Variants in SHF observed in about 807,000 individuals in gnomAD.
SHF encodes Src homology 2 domain containing F.
SHF carries 30 observed loss-of-function variants against 42.4 expected under a neutral mutation model. The ratio of observed to expected loss-of-function variants is 0.71; its 90% CI spans 0.53 to 0.96. The LOEUF (loss-of-function observed/expected upper bound fraction) is 0.96. SHF is among the 40% of genes least tolerant of loss of function. SHF has a pLI of 0.00. For synonymous variants in SHF, 264 were observed against 269.9 expected (o/e 0.98, Z 0.21); for missense variants, 598 against 634.0 (o/e 0.94, Z 0.61).
chr15:45,187,992 G>GGGGGGC (rs993709171), upstream of SHF: 46 of 838,806 alleles, frequency 5.5e-5, no homozygotes, highest in Non-Finnish European at 5.2e-5. Context: ...AGCGGCGGGT[G>GGGGGGC]GGGGGCGGGG....
At chr15:45,180,724 G>C (rs1458745467) in intron 1 of SHF, among the ~76,000 whole-genome samples, 1 of 152,096 alleles carries the variant, frequency 6.6e-6, no homozygotes, top group African/African-American at 2.4e-5. Context: ...AGGCCTGTTA[G>C]GTGTCTCTGT....
chr15:45,179,349 T>C (rs1897999668), intron 1 of SHF, among the ~76,000 whole-genome samples: 1 of 152,220 alleles, frequency 6.6e-6, no homozygotes, highest in African/African-American at 2.4e-5. Flanking sequence ...TTGGCTGTCC[T>C]GGGAGAGAGA....
At chr15:45,190,744 C>G (rs1308695673), upstream of SHF, among the ~76,000 whole-genome samples, 1 of 151,698 alleles carries the variant, frequency 6.6e-6, no homozygotes, top group African/African-American at 2.4e-5. Flanking sequence ...TGGGAACCCG[C>G]ACACCATAAA....
In SHF at chr15:45,187,932, G is replaced by A. The variant is rs1898551261; in HGVS notation, c.20C>T (p.Pro7Leu). The A allele has an allele frequency of 8.5e-7, 1 of 1,181,252 alleles. No homozygotes were observed. Among genetic ancestry groups the A allele is most frequent in the East Asian group, 3.7e-5 (1 of 27,118 alleles). The allele number at this position is 1,181,252 out of a possible 1,614,324, so 73.2% of individuals were successfully genotyped here. Residue 7 changes from proline (P) to leucine (L), a missense_variant, in exon 1 of 7, where the codon CCT (proline) becomes CTT (leucine). Coordinates refer to ENST00000690270, the MANE Select transcript of SHF (RefSeq NM_001394037.1). MLLSGAPPAGSRPGPRT... is the reference protein window; with the variant it reads MLLSGALPAGSRPGPRT... ...CGGCCCCGGGCGGGAGCCAGCCGGA[G>A]GAGCTCCGCTCAGTAACATGGGGCC...
At chr15:45,174,938 C>T (rs2141356757) in intron 3 of SHF, among the ~76,000 whole-genome samples, 1 of 152,262 alleles carries the variant, frequency 6.6e-6, no homozygotes, top group South Asian at 2.1e-4. Flanking sequence ...TAAATATACC[C>T]AGTCCCCAAA....
At chr15:45,176,058 G>A (rs1897792001) in intron 2 of SHF, among the ~76,000 whole-genome samples, 1 of 152,032 alleles carries the variant, frequency 6.6e-6, no homozygotes, top group African/African-American at 2.4e-5. Flanking sequence ...GACCTCAGGT[G>A]ATCTGCCTGC....
In SHF at chr15:45,167,273, C is replaced by G. The variant is rs548722710; in HGVS notation, c.*674G>C. ...CTGATTTATACGCAGAATCTGCGCT[C>G]GCTTCTCCGCTCCCTCCCCCGTCAG... On this transcript the variant is annotated 3_prime_UTR_variant, in exon 7 of 7. Coordinates refer to ENST00000690270, the MANE Select transcript of SHF (RefSeq NM_001394037.1). 6.6e-6 allele frequency: 1 copy of G among 152,406 alleles called. No homozygotes were observed. The highest frequency in any genetic ancestry group is 2.1e-4 in the South Asian group (1 of 4,830). 9.4% of individuals were successfully genotyped at this position (152,406 alleles called of 1,614,324 possible). A position where few individuals can be genotyped will look rare whatever the true frequency, so the allele number is the denominator to read the frequency against.
Position 45,187,810 on chromosome 15 carries a change from CT to C in SHF, c.141del (p.Ala48ProfsTer120). On this transcript the variant is annotated frameshift_variant, in exon 1 of 7. Coordinates refer to ENST00000690270, the MANE Select transcript of SHF (RefSeq NM_001394037.1). LOFTEE classifies it high-confidence loss of function. ...CCCAGGTGCTCCCGGAGCCACTTGG[CT>C]ACTCCGCCGCTGCCGCCCCCTCCTG... ...AGPGGGGSGGVAKWLREHLGF... is the reference protein window; with the variant it reads ...AGPGGGGSGGXAKWLREHLGF... 1.1e-6 allele frequency: 1 copy of C among 890,834 alleles called. No individual in the cohort carries two copies. Among genetic ancestry groups the C allele is most frequent in the Non-Finnish European group, 1.5e-6 (1 of 685,148 alleles). 55.2% of individuals were successfully genotyped at this position (890,834 alleles called of 1,614,324 possible).
intron 4 of SHF, 105 bp from the exon 5 acceptor site, chr15:45,172,423 G>T: frequency 7.9e-7 from 1 of 1,272,220 alleles, no homozygotes; most frequent in Non-Finnish European, 1.1e-6. Context: ...CCCCAGAAAG[G>T]ATCAAAGGAA....
chr15:45,175,914 G>A (rs1257639579), intron 2 of SHF, among the ~76,000 whole-genome samples: 1 of 150,698 alleles, frequency 6.6e-6, no homozygotes, highest in African/African-American at 2.4e-5. Context: ...CGCCTCCCCG[G>A]TTCAAGCGAT....
chr15:45,187,199 G>A (rs1182763656), intron 1 of SHF, among the ~76,000 whole-genome samples: 3 of 152,230 alleles, frequency 2.0e-5, no homozygotes, highest in African/African-American at 4.8e-5. Context: ...AGCCCGGGAG[G>A]GGGAGGGTCA....
At chr15:45,192,878 A>G (rs544300399), upstream of SHF, among the ~76,000 whole-genome samples, 158 of 152,298 alleles carry the variant, frequency 1.0e-3, no homozygotes, top group African/African-American at 3.7e-3. Flanking sequence ...TTCAGGTTAC[A>G]CATTTCTGAA....
chr15:45,174,530 G>C (rs565856106), intron 3 of SHF: 1 of 152,490 alleles, frequency 6.6e-6, no homozygotes, highest in Admixed American at 6.5e-5. Flanking sequence ...GCATATGCAG[G>C]CAGGAGTGAA....
upstream of SHF, among the ~76,000 whole-genome samples, chr15:45,192,543 T>G (rs537543234): frequency 3.3e-5 from 5 of 152,024 alleles, no homozygotes; most frequent in East Asian, 9.7e-4. Context: ...GATTTTAATT[T>G]TGTATTTTCA....
intron 1 of SHF, chr15:45,200,474 A>G (rs1172988319): frequency 2.9e-6 from 1 of 342,704 alleles, no homozygotes; most frequent in African/African-American, 2.1e-5. Context: ...TAACCACTAT[A>G]CGATCACGGC....
chr15:45,179,620 G>T (rs1445039153), intron 1 of SHF, among the ~76,000 whole-genome samples: 4 of 152,210 alleles, frequency 2.6e-5, no homozygotes, highest in Non-Finnish European at 5.9e-5. Flanking sequence ...CTCCAAGCTG[G>T]GCTTGGGCTT....
At chr15:45,193,843 A>G (rs143189830) in intron 2 of SHF, among the ~76,000 whole-genome samples, 1 of 152,082 alleles carries the variant, frequency 6.6e-6, no homozygotes, top group African/African-American at 2.4e-5. Flanking sequence ...AAATGAGTGA[A>G]AGGTCATTCC....
rs1469418790 is a variant in SHF, at chr15:45,198,682, T to C, written c.303+90A>G. On this transcript the variant is annotated intron_variant, in intron 2 of 7. Transcript: ENST00000290894. ...TAACCACTATACGATCACGGCGAGC[T>C]ACCGGGGACCCGTAGGGGTTGGCTT... The C allele has an allele frequency of 9.4e-6, 14 of 1,494,790 alleles. No homozygotes were observed. In the Admixed American group the frequency reaches 2.7e-4, roughly 29 times the overall value. 92.6% of individuals were successfully genotyped at this position (1,494,790 alleles called of 1,614,324 possible).
In SHF at chr15:45,186,458, G is replaced by C. The variant is rs555390380; in HGVS notation, c.498+996C>G. Among the ~76,000 whole-genome samples, 9 of 152,358 alleles carry C rather than the reference G, an allele frequency of 5.9e-5. No homozygotes were observed. The South Asian group carries it at 1.9e-3, about 32-fold the overall frequency. ...GCAGGCCCCAGAACTGAGCTCTCGGGGTGAGTGAAGAAGGACAGCAGAGCC... is the reference window on the plus strand; with the variant it reads ...GCAGGCCCCAGAACTGAGCTCTCGGCGTGAGTGAAGAAGGACAGCAGAGCC... On this transcript the variant is annotated intron_variant, in intron 1 of 6. Coordinates refer to ENST00000690270, the MANE Select transcript of SHF (RefSeq NM_001394037.1).
Sources: gnomAD v4.1 joint callset for allele counts (sites outside exome capture counted in the v4.1 genomes callset) on GRCh38, gnomAD v4.1.1 for gene constraint, MANE v1.5 for transcripts, NCBI Gene and HGNC (gene_info 2026-07-23, HGNC 2026-07-21) for gene names.